The following ACER3 variants were observed in gnomAD, a reference collection of about 807,000 sequenced individuals.
The protein encoded by ACER3 is alkCDase 3.
Under a neutral mutation model 48.9 loss-of-function variants are expected in ACER3, and 16 were observed. The observed-to-expected ratio is 0.33, with a 90% CI of 0.22 to 0.50. ACER3 has a LOEUF of 0.50. ACER3 is among the 20% of genes least tolerant of loss of function. The pLI, the probability that ACER3 is intolerant of heterozygous loss-of-function variation, is 0.98. For synonymous variants in ACER3, 109 were observed against 107.8 expected (o/e 1.01, Z -0.07); for missense variants, 227 against 326.0 (o/e 0.70, Z 2.34).
rs1288043522 is a variant in ACER3 at position 77,024,927 on chromosome 11, C to T, written c.*4600C>T. ...GCAAGTGACCTAAAATTCCCCTACTCTAGCTCAGCAGCCATCAGTCAGTAT... is the reference window on the plus strand; with the variant it reads ...GCAAGTGACCTAAAATTCCCCTACTTTAGCTCAGCAGCCATCAGTCAGTAT... On this transcript the variant is annotated 3_prime_UTR_variant, in exon 11 of 11. Transcript: ENST00000532485. The T allele has an allele frequency of 1.3e-5, 2 of 152,210 alleles. No homozygotes were observed. The highest frequency in any genetic ancestry group is 4.8e-5 in the African/African-American group (2 of 41,458). 9.4% of individuals were successfully genotyped at this position (152,210 alleles called of 1,614,324 possible). A position where few individuals can be genotyped will look rare whatever the true frequency, so the allele number is the denominator to read the frequency against.
rs1721788464 is a variant in ACER3, at chr11:77,025,181, T to G, written c.*4854T>G. 6.6e-6 allele frequency: 1 copy of G among 152,136 alleles called. No individual in the cohort carries two copies. 9.4% of individuals were successfully genotyped at this position (152,136 alleles called of 1,614,324 possible). ...ATTAACTCTAAAGTTGCAGCAACCA[T>G]ATTTATTAGAGAAATCTTTAAGCAT... On this transcript the variant is annotated 3_prime_UTR_variant, in exon 11 of 11. Transcript: ENST00000532485.
chr11:76,969,945 T>A, intron 3 of ACER3, among the ~76,000 whole-genome samples: 1 of 123,558 alleles, frequency 8.1e-6, no homozygotes, highest in Non-Finnish European at 1.9e-5. Flanking sequence ...TAAAGTATAA[T>A]AATAATAAAA....
intron 7 of ACER3, among the ~76,000 whole-genome samples, chr11:77,006,281 G>A (rs1162260608): frequency 4.0e-5 from 6 of 151,694 alleles, no homozygotes; most frequent in Admixed American, 1.3e-4. Flanking sequence ...GAGCCACCGC[G>A]CCTGGCTGTC....
intron 1 of ACER3, among the ~76,000 whole-genome samples, chr11:76,912,582 G>A (rs910732306): frequency 6.6e-6 from 1 of 150,774 alleles, no homozygotes; most frequent in Admixed American, 6.6e-5. Flanking sequence ...ATAGATTAAA[G>A]AAGACAATGA....
rs192594834 is a variant in ACER3, at chr11:76,973,376, G to A, written c.268-2913G>A. Among the ~76,000 whole-genome samples, 5 of 152,322 alleles carry A rather than the reference G, an allele frequency of 3.3e-5. No individual in the cohort carries two copies. The East Asian group carries it at 5.8e-4, about 18-fold the overall frequency. On this transcript the variant is annotated intron_variant, in intron 3 of 10. Transcript: ENST00000532485. ...TGGCCCTGCTTTTGCTGGGACTGCT[G>A]CAGTAGCCTGGTGAGCCTGACTGGA... is the stretch of plus-strand genomic sequence containing the variant.
At chr11:76,874,909 T>A (rs1474542648) in intron 1 of ACER3, among the ~76,000 whole-genome samples, 1 of 152,144 alleles carries the variant, frequency 6.6e-6, no homozygotes, top group Non-Finnish European at 1.5e-5. Flanking sequence ...ATGTCACATA[T>A]CCTTAAGCTG....
chr11:76,886,364 T>C (rs1356228677), intron 1 of ACER3, among the ~76,000 whole-genome samples: 1 of 152,336 alleles, frequency 6.6e-6, no homozygotes, highest in East Asian at 1.9e-4. Context: ...GGTAAAGAGA[T>C]TGGCTTTTAT....
In ACER3 at chr11:77,026,200, C is replaced by T. The variant is rs1419059971; in HGVS notation, c.*5873C>T. On this transcript the variant is annotated 3_prime_UTR_variant, in exon 11 of 11. Coordinates refer to ENST00000532485, the MANE Select transcript of ACER3 (RefSeq NM_018367.7). Reference sequence around the variant, plus strand: ...TTGAGATCTTTTGACCATTTTTTCTCATGTCATATAAAATGTGCCACATGG... The same window carrying T: ...TTGAGATCTTTTGACCATTTTTTCTTATGTCATATAAAATGTGCCACATGG... The T allele has an allele frequency of 2.6e-5, 4 of 152,144 alleles. No individual in the cohort carries two copies. Among genetic ancestry groups the T allele is most frequent in the Non-Finnish European group, 5.9e-5 (4 of 68,024 alleles). 9.4% of individuals were successfully genotyped at this position (152,144 alleles called of 1,614,324 possible). A position where few individuals can be genotyped will look rare whatever the true frequency, so the allele number is the denominator to read the frequency against.
intron 2 of ACER3, among the ~76,000 whole-genome samples, chr11:76,953,677 T>G (rs911308914): frequency 5.3e-5 from 8 of 152,172 alleles, no homozygotes; most frequent in Admixed American, 4.6e-4. Context: ...AAAGTTGTAT[T>G]TTATGTGTTT....
intron 1 of ACER3, among the ~76,000 whole-genome samples, chr11:76,925,553 T>C (rs1181582953): frequency 6.6e-6 from 1 of 152,212 alleles, no homozygotes; most frequent in Admixed American, 6.5e-5. Context: ...CTGCAGTTCT[T>C]GGTTCTCCTG....
intron 7 of ACER3, among the ~76,000 whole-genome samples, chr11:77,004,562 A>G (rs1949095465): frequency 6.6e-6 from 1 of 152,182 alleles, no homozygotes; most frequent in Non-Finnish European, 1.5e-5. Context: ...CCTTCATTCT[A>G]TCAGTTTTTG....
At chr11:76,893,088 A>G (rs1317481532) in intron 1 of ACER3, among the ~76,000 whole-genome samples, 1 of 152,236 alleles carries the variant, frequency 6.6e-6, no homozygotes, top group African/African-American at 2.4e-5. Context: ...ATAGGAATAA[A>G]TTTAAGGAGG....
At chr11:76,962,197 G>A (rs1312879720) in intron 3 of ACER3, among the ~76,000 whole-genome samples, 1 of 136,822 alleles carries the variant, frequency 7.3e-6, no homozygotes, top group Admixed American at 7.3e-5. Context: ...TTACAGGCGT[G>A]CACCACCATG....
intron 2 of ACER3, among the ~76,000 whole-genome samples, chr11:76,934,502 G>A (rs111896392): frequency 0.11 from 16,553 of 152,268 alleles, 2,968 homozygotes; most frequent in African/African-American, 0.37. Flanking sequence ...CCCGGCCAAC[G>A]CAGCGAAACC....
At chr11:76,915,107 C>G (rs556499331) in intron 1 of ACER3, among the ~76,000 whole-genome samples, 3 of 152,030 alleles carry the variant, frequency 2.0e-5, no homozygotes, top group African/African-American at 7.2e-5. Flanking sequence ...TTAATGGGTG[C>G]AGCACACCAA....
intron 3 of ACER3, among the ~76,000 whole-genome samples, chr11:76,975,874 C>CTTTTTTTTTT (rs34786738): frequency 1.2e-5 from 1 of 82,772 alleles, no homozygotes; most frequent in Non-Finnish European, 2.4e-5. Context: ...TTTTTCTTTT[C>CTTTTTTTTTT]TTTTTTTTTT....
rs1446219212 is a variant in ACER3, at chr11:76,950,383, A to T, written c.215-8596A>T. Among the ~76,000 whole-genome samples the T allele has an allele frequency of 3.5e-3, 100 of 28,768 alleles. 7 individuals carry two copies. The highest frequency in any genetic ancestry group is 0.012 in the African/African-American group (99 of 8,474). 18.9% of individuals were successfully genotyped at this position (28,768 alleles called of 152,430 possible). A position where few individuals can be genotyped will look rare whatever the true frequency, so the allele number is the denominator to read the frequency against. ...TATATATATATATATATATATATAT[A>T]TATATATATATATATATATATATAT... On this transcript the variant is annotated intron_variant, in intron 2 of 10. Transcript: ENST00000532485.
chr11:76,981,255 C>T (rs1237507840), intron 4 of ACER3, among the ~76,000 whole-genome samples: 1 of 152,198 alleles, frequency 6.6e-6, no homozygotes. Context: ...CTTTCCTCAG[C>T]AATCTTCTGC....
intron 9 of ACER3, among the ~76,000 whole-genome samples, chr11:77,017,975 C>T (rs1234720809): frequency 2.7e-5 from 3 of 109,564 alleles, no homozygotes; most frequent in Admixed American, 2.8e-4. Context: ...GAGACAGAGT[C>T]TCCCCCAAGC....
Sources: gnomAD v4.1 joint callset for allele counts (sites outside exome capture counted in the v4.1 genomes callset) on GRCh38, gnomAD v4.1.1 for gene constraint, MANE v1.5 for transcripts, NCBI Gene and HGNC (gene_info 2026-07-23, HGNC 2026-07-21) for gene names.